GINS1: variants seen among roughly 807,000 people sequenced by gnomAD.
The protein encoded by GINS1 is GINS complex subunit 1, also known as DNA replication complex GINS protein PSF1.
In GINS1, 26 loss-of-function variants were observed where a neutral mutation model predicts 34.9. That is an observed-to-expected ratio of 0.74 (90% CI 0.55 to 1.03). The LOEUF (loss-of-function observed/expected upper bound fraction) is 1.03, where lower values mean the gene tolerates loss of function less well. Among genes scored for constraint, GINS1 ranks in the 50% least tolerant of loss-of-function variants. The pLI is 0.00. For synonymous variants in GINS1, 97 were observed against 84.4 expected (o/e 1.15, Z -0.82); for missense variants, 235 against 237.9 (o/e 0.99, Z 0.08).
chr20:25,412,432 G>A (rs2033926467), intron 1 of GINS1, among the ~76,000 whole-genome samples: 2 of 151,772 alleles, frequency 1.3e-5, no homozygotes, highest in African/African-American at 4.8e-5. Flanking sequence ...GTGGGCGCCT[G>A]TAATCCCAGC....
At chr20:25,418,716 T>C (rs959297448) in intron 4 of GINS1, among the ~76,000 whole-genome samples, 2 of 152,330 alleles carry the variant, frequency 1.3e-5, no homozygotes, top group African/African-American at 4.8e-5. Flanking sequence ...GCAATGACTT[T>C]TGACACTAAC....
chr20:25,428,969 C>CTT lies in GINS1; in HGVS notation c.447+3678_447+3679dup, dbSNP rs77113924. On this transcript the variant is annotated intron_variant, in intron 5 of 6. Transcript: ENST00000262460. ...GGGTCCTCCACCTTCATTCCTCTCT[C>CTT]TTTTTTTTTTTTTTTTTTTTTTTTT... 2.3e-3 allele frequency among the ~76,000 whole-genome samples: 294 copies of CTT among 127,410 alleles called. 16 individuals are homozygous for CTT. The highest frequency in any genetic ancestry group is 3.6e-3 in the Non-Finnish European group (221 of 60,814). The allele number at this position is 127,410 out of a possible 152,430, so 83.6% of individuals were successfully genotyped here. A position where few individuals can be genotyped will look rare whatever the true frequency, so the allele number is the denominator to read the frequency against.
chr20:25,423,451 T>TC (rs2090369431), intron 4 of GINS1, among the ~76,000 whole-genome samples: 1 of 106,422 alleles, frequency 9.4e-6, no homozygotes, highest in Non-Finnish European at 1.9e-5. Flanking sequence ...ATTTTTCTTT[T>TC]CTTTTTTTTT....
intron 5 of GINS1, among the ~76,000 whole-genome samples, chr20:25,428,255 C>T (rs1045513852): frequency 2.6e-5 from 4 of 151,858 alleles, no homozygotes; most frequent in Non-Finnish European, 5.9e-5. Flanking sequence ...AACTTTTGAC[C>T]TGTATTTCCT....
intron 5 of GINS1, among the ~76,000 whole-genome samples, chr20:25,428,554 C>A (rs1054543558): frequency 1.3e-5 from 2 of 151,676 alleles, no homozygotes; most frequent in African/African-American, 4.8e-5. Flanking sequence ...CAGGTGCCCA[C>A]CACGACGCCC....
At chr20:25,442,418 A>G (rs931611873) in intron 6 of GINS1, among the ~76,000 whole-genome samples, 3 of 151,838 alleles carry the variant, frequency 2.0e-5, no homozygotes, top group African/African-American at 7.3e-5. Flanking sequence ...GGGCCTTGCT[A>G]TGTTGACCAT....
chr20:25,410,950 G>A (rs1187316937), intron 1 of GINS1, among the ~76,000 whole-genome samples: 1 of 152,040 alleles, frequency 6.6e-6, no homozygotes, highest in Admixed American at 6.6e-5. Flanking sequence ...TCTATATGCA[G>A]AATTGATACT....
intron 4 of GINS1, among the ~76,000 whole-genome samples, chr20:25,420,167 T>G (rs2090346241): frequency 6.6e-6 from 1 of 152,064 alleles, no homozygotes; most frequent in Non-Finnish European, 1.5e-5. Context: ...GGAGTCTCGC[T>G]CTGTTGCTCC....
At chr20:25,435,470 GT>G (rs1382946790) in intron 5 of GINS1, among the ~76,000 whole-genome samples, 1 of 151,976 alleles carries the variant, frequency 6.6e-6, no homozygotes, top group Non-Finnish European at 1.5e-5. Context: ...AATTTTTAAA[GT>G]TTTTGGGGCC....
At chr20:25,412,063 G>A (rs1274992739) in intron 1 of GINS1, among the ~76,000 whole-genome samples, 4 of 152,058 alleles carry the variant, frequency 2.6e-5, no homozygotes, top group South Asian at 4.2e-4. Context: ...AGCTGAGATC[G>A]CACTACTGCA....
intron 4 of GINS1, among the ~76,000 whole-genome samples, 165 bp downstream of exon 4, chr20:25,418,360 A>G (rs2090334470): frequency 6.6e-6 from 1 of 152,134 alleles, no homozygotes; most frequent in South Asian, 2.1e-4. Flanking sequence ...TGTGGTGAGG[A>G]GTAATTCTAA....
intron 5 of GINS1, among the ~76,000 whole-genome samples, chr20:25,439,027 A>G (rs926064725): frequency 6.6e-6 from 1 of 152,260 alleles, no homozygotes; most frequent in Non-Finnish European, 1.5e-5. Flanking sequence ...AATAGTTTAC[A>G]AAGGAAATTT....
chr20:25,440,810 CAAAAA>C (rs60014594), intron 5 of GINS1, among the ~76,000 whole-genome samples: 1 of 69,090 alleles, frequency 1.4e-5, no homozygotes, highest in African/African-American at 3.9e-5. Flanking sequence ...GACTCTGTCT[CAAAAA>C]AAAAAAAAAA....
At chr20:25,433,616 T>A (rs1353959135) in intron 5 of GINS1, among the ~76,000 whole-genome samples, 1 of 152,220 alleles carries the variant, frequency 6.6e-6, no homozygotes, top group Non-Finnish European at 1.5e-5. Flanking sequence ...GATTTGCAGA[T>A]ACGGAACCTA....
intron 1 of GINS1, among the ~76,000 whole-genome samples, chr20:25,409,792 C>T (rs144745363): frequency 1.0e-3 from 153 of 152,270 alleles, no homozygotes; most frequent in African/African-American, 3.5e-3. Flanking sequence ...AAAAGTTAGG[C>T]AGCAGTCTGC....
At chr20:25,436,757 T>C (rs1027137840) in intron 5 of GINS1, among the ~76,000 whole-genome samples, 1 of 152,230 alleles carries the variant, frequency 6.6e-6, no homozygotes, top group Non-Finnish European at 1.5e-5. Flanking sequence ...AAAACTCTTG[T>C]TGTAAAGTCT....
intron 5 of GINS1, among the ~76,000 whole-genome samples, chr20:25,426,292 G>A (rs755524996): frequency 2.0e-5 from 3 of 152,014 alleles, no homozygotes; most frequent in Admixed American, 6.6e-5. Flanking sequence ...GGCTGGGCAC[G>A]GTGGCTCATG....
intron 3 of GINS1, 72 bp from the exon 4 acceptor site, chr20:25,418,033 A>C: frequency 2.4e-6 from 2 of 831,004 alleles, no homozygotes; most frequent in Admixed American, 3.4e-5. Flanking sequence ...TGTTTGCATC[A>C]GGGGCCAAAT....
intron 4 of GINS1, among the ~76,000 whole-genome samples, chr20:25,418,940 C>T (rs1234677291): frequency 6.6e-6 from 1 of 152,204 alleles, no homozygotes; most frequent in African/African-American, 2.4e-5. Flanking sequence ...CTGGGGTAGC[C>T]AGTCCCAACT....
Sources: allele counts gnomAD v4.1 joint callset (sites outside exome capture counted in the v4.1 genomes callset), GRCh38; gene constraint gnomAD v4.1.1; transcripts MANE v1.5; gene names NCBI Gene and HGNC (gene_info 2026-07-23, HGNC 2026-07-21).